Variants in UNC13B observed in about 807,000 individuals in gnomAD.
The protein encoded by UNC13B is protein unc-13 homolog B.
UNC13B carries 144 observed loss-of-function variants against 211.0 expected under a neutral mutation model. That is an observed-to-expected ratio of 0.68 (90% confidence interval 0.60 to 0.78). The LOEUF is 0.78. Ranked by LOEUF, UNC13B falls within the 30% of genes least tolerant of loss-of-function variation. UNC13B has a pLI of 0.00. For missense variants in UNC13B, 1,777 were observed against 2,002.0 expected, an observed-to-expected ratio of 0.89 and a Z score of 2.14; for synonymous variants, 709 against 725.8, an observed-to-expected ratio of 0.98 and a Z score of 0.37.
At chr9:35,200,952 G>A (rs1403754688) in intron 1 of UNC13B, among the ~76,000 whole-genome samples, 1 of 152,172 alleles carries the variant, frequency 6.6e-6, no homozygotes, top group Non-Finnish European at 1.5e-5. Flanking sequence ...TGCCCATTCA[G>A]TATGATATTG....
At chr9:35,190,679 T>C (rs1822609547) in intron 1 of UNC13B, among the ~76,000 whole-genome samples, 1 of 151,822 alleles carries the variant, frequency 6.6e-6, no homozygotes, top group Non-Finnish European at 1.5e-5. Context: ...TGGAGAAAAA[T>C]AATTCAGTCG....
chr9:35,328,052 A>C (rs1234646868), intron 11 of UNC13B, among the ~76,000 whole-genome samples: 2 of 152,006 alleles, frequency 1.3e-5, no homozygotes, highest in Admixed American at 6.6e-5. Flanking sequence ...ACTGAGTCTC[A>C]CTCTGTTGCC....
At chr9:35,383,520 T>C (rs1481160601) in intron 21 of UNC13B, among the ~76,000 whole-genome samples, 2 of 152,158 alleles carry the variant, frequency 1.3e-5, no homozygotes, top group Admixed American at 6.5e-5. Context: ...AAATATTTGT[T>C]CCATTTTGCC....
intron 1 of UNC13B, among the ~76,000 whole-genome samples, chr9:35,182,526 A>G (rs1002361632): frequency 3.4e-5 from 5 of 148,616 alleles, no homozygotes; most frequent in Admixed American, 2.0e-4. Flanking sequence ...AGAGAGGGGG[A>G]TGTGGCAGGG....
At chr9:35,256,247 A>T (rs1251595755) in intron 6 of UNC13B, among the ~76,000 whole-genome samples, 1 of 152,138 alleles carries the variant, frequency 6.6e-6, no homozygotes, top group Non-Finnish European at 1.5e-5. Flanking sequence ...TCAGGATCTC[A>T]TCCAGGATAT....
intron 20 of UNC13B, 138 bp from the exon 21 acceptor site, chr9:35,382,219 A>G (rs1834893793): frequency 3.5e-6 from 4 of 1,157,838 alleles, no homozygotes; most frequent in Non-Finnish European, 4.9e-6. Context: ...AGCTGTGTGC[A>G]GAAAGTAGCC....
In UNC13B at chr9:35,404,946, C is replaced by T. The variant is rs1836583987; in HGVS notation, c.*913C>T. 1 of 152,748 alleles carries T rather than the reference C, an allele frequency of 6.5e-6. No homozygotes were observed. Among genetic ancestry groups the T allele is most frequent in the African/African-American group, 2.4e-5 (1 of 41,470 alleles). The allele number at this position is 152,748 out of a possible 1,614,324, so 9.5% of individuals were successfully genotyped here. A position where few individuals can be genotyped will look rare whatever the true frequency, so the allele number is the denominator to read the frequency against. Reference sequence around the variant, plus strand: ...GCCACTGCCTTCTAGCCGTCCTCCACCTTGCAGAAAGAATCTAGCCTTTGG... The same window carrying T: ...GCCACTGCCTTCTAGCCGTCCTCCATCTTGCAGAAAGAATCTAGCCTTTGG... On this transcript the variant is annotated 3_prime_UTR_variant, in exon 40 of 40. Coordinates refer to ENST00000635942, the MANE Select transcript of UNC13B (RefSeq NM_001371189.2).
Position 35,305,032 on chromosome 9 carries a change from A to C in UNC13B, c.5628A>C (p.Glu1876Asp), listed in dbSNP as rs1829859075. Residue 1876 changes from glutamate (E) to aspartate (D), a missense_variant, in exon 9 of 40, where the codon GAA (glutamate) becomes GAC (aspartate). By Grantham distance (45) the Glu-to-Asp change is conservative (BLOSUM62 2). Transcript: ENST00000635942. ...PQAKSGVKDD[E>D]IITTDSISVS... The stretch of plus-strand genomic sequence containing the variant: ...CTAAATCAGGTGTAAAAGATGATGA[A>C]ATCATTACAACAGACTCTATTTCAG... 1 of 398,870 alleles carries C rather than the reference A, an allele frequency of 2.5e-6. No individual in the cohort carries two copies. Among genetic ancestry groups the C allele is most frequent in the Non-Finnish European group, 4.4e-6 (1 of 226,016 alleles). The allele number at this position is 398,870 out of a possible 1,614,324, so 24.7% of individuals were successfully genotyped here.
At chr9:35,369,758 C>T (rs1416216130) in intron 12 of UNC13B, among the ~76,000 whole-genome samples, 1 of 152,188 alleles carries the variant, frequency 6.6e-6, no homozygotes, top group Non-Finnish European at 1.5e-5. Context: ...ATGAGGGCTC[C>T]TTTCTCCATG....
At chr9:35,202,857 A>T (rs570626864) in intron 1 of UNC13B, among the ~76,000 whole-genome samples, 12 of 147,346 alleles carry the variant, frequency 8.1e-5, no homozygotes, top group Admixed American at 7.6e-4. Flanking sequence ...CAGTGGCGTG[A>T]TCTCAGCTCA....
At chr9:35,371,400 A>G (rs569261234) in intron 13 of UNC13B, among the ~76,000 whole-genome samples, 76 of 148,054 alleles carry the variant, frequency 5.1e-4, no homozygotes, top group African/African-American at 1.7e-3. Context: ...GGCTGGTCTC[A>G]AACTCCCGGG....
intron 7 of UNC13B, among the ~76,000 whole-genome samples, chr9:35,268,774 AT>A (rs1420384201): frequency 6.6e-6 from 1 of 152,134 alleles, no homozygotes; most frequent in Non-Finnish European, 1.5e-5. Flanking sequence ...TTGCAAAGAT[AT>A]TTTTCTCCTT....
At chr9:35,213,646 A>T (rs1324096538) in intron 1 of UNC13B, among the ~76,000 whole-genome samples, 1 of 152,162 alleles carries the variant, frequency 6.6e-6, no homozygotes, top group Non-Finnish European at 1.5e-5. Context: ...AGGATTCTCA[A>T]AGGGTCATAT....
chr9:35,386,397 T>C (rs1835193832), intron 24 of UNC13B, 104 bp downstream of exon 24: 1 of 1,491,868 alleles, frequency 6.7e-7, no homozygotes, highest in African/African-American at 1.4e-5. Context: ...AAGTACTTGA[T>C]GTTCTCAAGG....
chr9:35,400,500 T>G, intron 37 of UNC13B, 57 bp downstream of exon 37: 1 of 1,556,544 alleles, frequency 6.4e-7, no homozygotes, highest in Non-Finnish European at 8.7e-7. Flanking sequence ...CATCTTCCCC[T>G]AGGGAGTCTG....
intron 6 of UNC13B, among the ~76,000 whole-genome samples, chr9:35,256,672 C>A (rs1166676386): frequency 1.3e-5 from 2 of 152,074 alleles, no homozygotes. Flanking sequence ...GCATTTAATA[C>A]CCACCTGGAC....
In UNC13B at chr9:35,304,748, G is replaced by A. The variant is rs1224258924; in HGVS notation, c.5344G>A (p.Val1782Met). The A allele has an allele frequency of 2.5e-6, 1 of 398,782 alleles. No homozygotes were observed. The highest frequency in any genetic ancestry group is 4.4e-6 in the Non-Finnish European group (1 of 225,970). 24.7% of individuals were successfully genotyped at this position (398,782 alleles called of 1,614,324 possible). The stretch of plus-strand genomic sequence containing the variant: ...CTTAGAGGCTTTGGCCATGCAGAAA[G>A]TGAATCAGCAGTCAGATTTAGCAGA... ...ESLEALAMQK[V>M]NQQSDLAELT... Residue 1782 changes from valine to methionine, a missense_variant, in exon 9 of 40, where the codon GTG becomes ATG. Physicochemically the swap from Val to Met is conservative, Grantham distance 21 (BLOSUM62 1). Coordinates refer to ENST00000635942, the MANE Select transcript of UNC13B (RefSeq NM_001371189.2).
Position 35,302,831 on chromosome 9 carries a change from A to G in UNC13B, c.3427A>G (p.Thr1143Ala). 2.5e-6 allele frequency: 1 copy of G among 398,664 alleles called. No individual in the cohort carries two copies. The allele number at this position is 398,664 out of a possible 1,614,324, so 24.7% of individuals were successfully genotyped here. A position where few individuals can be genotyped will look rare whatever the true frequency, so the allele number is the denominator to read the frequency against. ...TATAGATAAGACTTCCAAGAAAAAT[A>G]CCCAAGGAAGCTTCCTTTCTGGCCT... ...EVIDKTSKKN[T>A]QGSFLSGLFN... The change falls in exon 9 of 40, where the codon ACC (threonine) becomes GCC (alanine). Residue 1143 changes from threonine to alanine, a missense_variant. Coordinates refer to ENST00000635942, the MANE Select transcript of UNC13B (RefSeq NM_001371189.2).
intron 36 of UNC13B, among the ~76,000 whole-genome samples, 169 bp downstream of exon 36, chr9:35,399,898 T>C (rs1836176531): frequency 6.6e-6 from 1 of 152,200 alleles, no homozygotes; most frequent in African/African-American, 2.4e-5. Context: ...AAATTCAAGA[T>C]GCTTATCATT....
Sources: gnomAD v4.1 joint callset for allele counts (sites outside exome capture counted in the v4.1 genomes callset) on GRCh38, gnomAD v4.1.1 for gene constraint, MANE v1.5 for transcripts, NCBI Gene and HGNC (gene_info 2026-07-23, HGNC 2026-07-21) for gene names.